Variants in CTNNA3 observed in about 807,000 individuals in gnomAD.
CTNNA3 encodes catenin alpha 3.
In CTNNA3, 76 loss-of-function variants were observed where a neutral mutation model predicts 95.7. The ratio of observed to expected loss-of-function variants is 0.79; its 90% CI spans 0.66 to 0.96. CTNNA3 has a LOEUF of 0.96. Among genes scored for constraint, CTNNA3 ranks in the 40% least tolerant of loss-of-function variants. The probability of loss-of-function intolerance (pLI) is 0.00; values close to 1 mark genes in which losing one functional copy is unlikely to be tolerated. For synonymous variants in CTNNA3, 431 were observed against 374.4 expected, an observed-to-expected ratio of 1.15 and a Z score of -1.74; for missense variants, 1,191 against 1,089.8, an observed-to-expected ratio of 1.09 and a Z score of -1.31.
chr10:67,535,124 C>T (rs995072291), intron 4 of CTNNA3, among the ~76,000 whole-genome samples: 12 of 152,026 alleles, frequency 7.9e-5, no homozygotes, highest in Non-Finnish European at 1.3e-4. Flanking sequence ...ATCCACAATG[C>T]CACAAACAGT....
chr10:67,344,304 C>CT (rs528338919), intron 5 of CTNNA3, among the ~76,000 whole-genome samples: 14 of 150,882 alleles, frequency 9.3e-5, no homozygotes, highest in East Asian at 5.8e-4. Context: ...TTTTCTTTCT[C>CT]TTTTTTTTTC....
chr10:67,751,340 T>C (rs1841406078), intron 1 of CTNNA3: 1 of 700,918 alleles, frequency 1.4e-6, no homozygotes, highest in South Asian at 1.5e-5. Flanking sequence ...TCACAGTGAC[T>C]TCGTCCTGTT....
At chr10:67,244,625 G>A (rs755905341) in intron 5 of CTNNA3, among the ~76,000 whole-genome samples, 12 of 152,154 alleles carry the variant, frequency 7.9e-5, no homozygotes, top group South Asian at 2.1e-4. Flanking sequence ...GTTAGATAAT[G>A]ATATGCTAAA....
chr10:67,720,128 G>GTTTTTTTT (rs1564839853), intron 1 of CTNNA3, among the ~76,000 whole-genome samples: 1 of 2,660 alleles, frequency 3.8e-4, no homozygotes, highest in Non-Finnish European at 1.2e-3. Flanking sequence ...TGCAACCCCT[G>GTTTTTTTT]CTTTTTTTTT....
chr10:66,664,064 C>G (rs1174915849), intron 9 of CTNNA3, among the ~76,000 whole-genome samples: 1 of 151,998 alleles, frequency 6.6e-6, no homozygotes, highest in Admixed American at 6.6e-5. Flanking sequence ...CTATATCTCT[C>G]CTGCCAAATG....
intron 13 of CTNNA3, among the ~76,000 whole-genome samples, chr10:66,167,993 T>C (rs1324452094): frequency 6.6e-6 from 1 of 152,168 alleles, no homozygotes; most frequent in Non-Finnish European, 1.5e-5. Context: ...TTTCAGAGCA[T>C]GACAGCTGGA....
chr10:66,372,796 C>T (rs1237718388), intron 12 of CTNNA3, among the ~76,000 whole-genome samples: 3 of 152,048 alleles, frequency 2.0e-5, no homozygotes, highest in Non-Finnish European at 4.4e-5. Context: ...CTTATAAAAC[C>T]ATCAGATTTT....
At chr10:66,124,383 A>G (rs905980035) in intron 13 of CTNNA3, among the ~76,000 whole-genome samples, 2 of 152,256 alleles carry the variant, frequency 1.3e-5, no homozygotes, top group Admixed American at 6.5e-5. Context: ...TGTCCATATC[A>G]TTATCAGCAT....
intron 13 of CTNNA3, among the ~76,000 whole-genome samples, chr10:66,255,596 C>CAA (rs960655872): frequency 6.6e-6 from 1 of 151,966 alleles, no homozygotes; most frequent in African/African-American, 2.4e-5. Flanking sequence ...TCCCACTTTA[C>CAA]CTACACCCTT....
chr10:67,464,932 A>G (rs1464086908), intron 5 of CTNNA3, among the ~76,000 whole-genome samples: 1 of 151,712 alleles, frequency 6.6e-6, no homozygotes, highest in Non-Finnish European at 1.5e-5. Flanking sequence ...TTCGGGGGAG[A>G]AAAGTTTAAT....
rs548588679 is a variant in CTNNA3 at position 67,692,362 on chromosome 10, G to C, written c.-6+3638C>G. On this transcript the variant is annotated intron_variant, in intron 1 of 17. Transcript: ENST00000433211. ...TGCCGTGTCTGTGTAGAAAGAGGTAGACATGGGAGACTTTTCATTTTGTTC... is the reference window on the plus strand; with the variant it reads ...TGCCGTGTCTGTGTAGAAAGAGGTACACATGGGAGACTTTTCATTTTGTTC... 1.2e-4 allele frequency among the ~76,000 whole-genome samples: 18 copies of C among 145,014 alleles called. No individual in the cohort carries two copies. The South Asian group carries it at 3.7e-3, about 30-fold the overall frequency.
intron 7 of CTNNA3, among the ~76,000 whole-genome samples, chr10:66,916,662 A>G (rs1589421048): frequency 6.6e-6 from 1 of 152,302 alleles, no homozygotes; most frequent in Non-Finnish European, 1.5e-5. Flanking sequence ...AAAAATGTCC[A>G]AAAAGAACTG....
chr10:66,367,877 AATAATT>A (rs1433223973), intron 12 of CTNNA3, among the ~76,000 whole-genome samples: 245 of 46,574 alleles, frequency 5.3e-3, no homozygotes, highest in African/African-American at 0.027. Context: ...TAATAATAAT[AATAATT>A]ATTATTATTA....
chr10:66,651,558 T>C (rs982140836), intron 9 of CTNNA3, among the ~76,000 whole-genome samples: 2 of 150,600 alleles, frequency 1.3e-5, no homozygotes, highest in Non-Finnish European at 3.0e-5. Context: ...GGGAGGGGGG[T>C]TGGGGGGCAG....
intron 1 of CTNNA3, among the ~76,000 whole-genome samples, chr10:67,688,297 T>G (rs1459996411): frequency 6.6e-6 from 1 of 152,078 alleles, no homozygotes; most frequent in Non-Finnish European, 1.5e-5. Flanking sequence ...TGTGGTCCTT[T>G]GGAGATTTCT....
intron 15 of CTNNA3, among the ~76,000 whole-genome samples, chr10:66,052,784 T>C (rs968446602): frequency 1.3e-5 from 2 of 151,996 alleles, no homozygotes; most frequent in African/African-American, 4.8e-5. Flanking sequence ...AGAGAGTAGT[T>C]AAAATATGGG....
chr10:67,265,156 TG>T (rs1419299358), intron 5 of CTNNA3, among the ~76,000 whole-genome samples: 1 of 152,192 alleles, frequency 6.6e-6, no homozygotes, highest in African/African-American at 2.4e-5. Context: ...TTTCTGGAAC[TG>T]TGACAACTTT....
chr10:67,341,945 A>T (rs1321253426), intron 5 of CTNNA3, among the ~76,000 whole-genome samples: 2 of 151,946 alleles, frequency 1.3e-5, no homozygotes, highest in African/African-American at 4.8e-5. Context: ...TCTGATGAGC[A>T]ATGATATTTA....
At chr10:66,390,756 T>C (rs1414152467) in intron 11 of CTNNA3, among the ~76,000 whole-genome samples, 1 of 152,138 alleles carries the variant, frequency 6.6e-6, no homozygotes, top group African/African-American at 2.4e-5. Flanking sequence ...AGAATTTGTT[T>C]GTCAGGAGTT....
Sources: allele counts gnomAD v4.1 joint callset (sites outside exome capture counted in the v4.1 genomes callset), GRCh38; gene constraint gnomAD v4.1.1; transcripts MANE v1.5; gene names NCBI Gene and HGNC (gene_info 2026-07-23, HGNC 2026-07-21).